UGT1A10: variants seen among roughly 807,000 people sequenced by gnomAD.
UGT1A10 encodes UDP-glucuronosyltransferase 1A10.
In UGT1A10, 49 loss-of-function variants were observed where a neutral mutation model predicts 45.8. The ratio of observed to expected loss-of-function variants is 1.07; its 90% CI spans 0.85 to 1.36. UGT1A10 has a LOEUF of 1.36. Among genes scored for constraint, UGT1A10 ranks in the 40% most tolerant of loss-of-function variants. UGT1A10 has a pLI of 0.00. For missense variants in UGT1A10, 745 were observed against 668.6 expected (o/e 1.11, Z -1.26); for synonymous variants, 284 against 249.7 (o/e 1.14, Z -1.29).
chr2:233,768,064 A>G, intron 3 of UGT1A10, 128 bp downstream of exon 3: 1 of 1,598,982 alleles, frequency 6.3e-7, no homozygotes, highest in Non-Finnish European at 8.5e-7. Flanking sequence ...ATTGCTTTTT[A>G]TCTAGTGGGG....
chr2:233,681,099 C>A (rs940932647), intron 1 of UGT1A10, among the ~76,000 whole-genome samples: 1 of 151,718 alleles, frequency 6.6e-6, no homozygotes, highest in Admixed American at 6.6e-5. Flanking sequence ...CTCTGCAATG[C>A]GCAAGTGAGC....
intron 1 of UGT1A10, among the ~76,000 whole-genome samples, chr2:233,666,465 G>T (rs967108995): frequency 6.6e-6 from 1 of 152,012 alleles, no homozygotes; most frequent in Admixed American, 6.6e-5. Flanking sequence ...GTCTTTACAT[G>T]TGCCTGTTTG....
intron 1 of UGT1A10, among the ~76,000 whole-genome samples, chr2:233,667,638 A>G (rs1034080888): frequency 1.3e-5 from 2 of 152,242 alleles, no homozygotes; most frequent in Non-Finnish European, 2.9e-5. Flanking sequence ...CTCATCTGAC[A>G]AAGGGCTAAT....
At chr2:233,742,599 A>G (rs1331499090) in intron 1 of UGT1A10, among the ~76,000 whole-genome samples, 1 of 151,848 alleles carries the variant, frequency 6.6e-6, no homozygotes, top group Non-Finnish European at 1.5e-5. Context: ...GCAACCTACC[A>G]TAGTTGGAGA....
chr2:233,656,848 G>A (rs112983713), intron 1 of UGT1A10, among the ~76,000 whole-genome samples: 16 of 152,164 alleles, frequency 1.1e-4, no homozygotes, highest in African/African-American at 2.4e-4. Flanking sequence ...CAGTTTACAC[G>A]TTCCTGGGCA....
At chr2:233,652,823 A>T (rs1369001856) in intron 1 of UGT1A10, among the ~76,000 whole-genome samples, 1 of 152,242 alleles carries the variant, frequency 6.6e-6, no homozygotes, top group Admixed American at 6.5e-5. Context: ...AAATGGATCA[A>T]ATAGCTAAAT....
chr2:233,718,172 C>T lies in UGT1A10; in HGVS notation c.856-48862C>T, dbSNP rs559286089. 3.8e-5 allele frequency: 9 copies of T among 238,986 alleles called. No individual in the cohort carries two copies. In the East Asian group the frequency reaches 7.1e-4, roughly 19 times the overall value. 14.8% of individuals were successfully genotyped at this position (238,986 alleles called of 1,614,324 possible). Reference sequence around the variant, plus strand: ...AGCCTTCCCAAGAATATGATCATCACATCTTGAGCTCAGCCTCCCCGGAGC... The same window carrying T: ...AGCCTTCCCAAGAATATGATCATCATATCTTGAGCTCAGCCTCCCCGGAGC... On this transcript the variant is annotated intron_variant, in intron 1 of 4. Transcript: ENST00000344644.
intron 1 of UGT1A10, chr2:233,729,814 C>A (rs776482922): frequency 5.0e-6 from 8 of 1,613,896 alleles, no homozygotes; most frequent in Non-Finnish European, 6.8e-6. Flanking sequence ...TTTTTCTGCT[C>A]CTTATGCAAG....
In UGT1A10 at chr2:233,719,091, C is replaced by T. The variant is rs183802414; in HGVS notation, c.856-47943C>T. On this transcript the variant is annotated intron_variant, in intron 1 of 4. Coordinates refer to ENST00000344644, the MANE Select transcript of UGT1A10 (RefSeq NM_019075.4). ...TCCATGGACCCAGAAGGAATTTGATCGCGTTACGCTGGGCTACACTCAAGG... is the reference window on the plus strand; with the variant it reads ...TCCATGGACCCAGAAGGAATTTGATTGCGTTACGCTGGGCTACACTCAAGG... The T allele has an allele frequency of 3.7e-5, 60 of 1,614,254 alleles. No individual in the cohort carries two copies. The East Asian group carries it at 8.2e-4, about 22-fold the overall frequency.
intron 1 of UGT1A10, chr2:233,755,911 G>A (rs1696063109): frequency 6.6e-6 from 1 of 151,336 alleles, no homozygotes; most frequent in African/African-American, 2.4e-5. Context: ...AATGTAGTGA[G>A]AAGAGTGGCA....
At chr2:233,699,543 T>C (rs1049729465) in intron 1 of UGT1A10, among the ~76,000 whole-genome samples, 4 of 152,214 alleles carry the variant, frequency 2.6e-5, no homozygotes, top group Non-Finnish European at 4.4e-5. Context: ...ATTCACATCA[T>C]AGAGCCAGGT....
intron 1 of UGT1A10, among the ~76,000 whole-genome samples, chr2:233,695,913 C>T (rs1176946557): frequency 6.6e-6 from 1 of 152,022 alleles, no homozygotes; most frequent in African/African-American, 2.4e-5. Context: ...TTTTTTTTCT[C>T]CACACACCAA....
chr2:233,760,187 A>G, intron 1 of UGT1A10: 1 of 1,561,346 alleles, frequency 6.4e-7, no homozygotes, highest in East Asian at 2.3e-5. Flanking sequence ...TTTTATAGTC[A>G]CGTGACACAG....
rs988153178 is a variant in UGT1A10, at chr2:233,772,888, GTGGTCCCACGGC to G, written c.*332_*343del. ...CTGTTTGGGAGTGCGGGATTCAAAG[GTGGTCCCACGGC>G]TGCCCCTACTGCAAATGGCAGTTTT... On this transcript the variant is annotated 3_prime_UTR_variant, in exon 5 of 5. Coordinates refer to ENST00000344644, the MANE Select transcript of UGT1A10 (RefSeq NM_019075.4). The G allele has an allele frequency of 1.9e-6, 1 of 534,950 alleles. No individual in the cohort carries two copies. The highest frequency in any genetic ancestry group is 1.9e-5 in the African/African-American group (1 of 51,616). 33.1% of individuals were successfully genotyped at this position (534,950 alleles called of 1,614,324 possible).
Position 233,769,399 on chromosome 2 carries a change from ATGTGCGTGTGCGTT to A in UGT1A10, c.1295+966_1295+979del. On this transcript the variant is annotated intron_variant, in intron 4 of 4. Coordinates refer to ENST00000344644, the MANE Select transcript of UGT1A10 (RefSeq NM_019075.4). This position sits in a 1 kb window ranked among gnomAD's most constrained non-coding sequence, Gnocchi z 4.4. ...ATCCGACAATAGATACTGTGTGCATATGTGCGTGTGCGTTTGTGCATGTGGCTGTGCTCATGTGT... is the reference window on the plus strand; with the variant it reads ...ATCCGACAATAGATACTGTGTGCATATGTGCATGTGGCTGTGCTCATGTGT... 1 of 1,170,288 alleles carries A rather than the reference ATGTGCGTGTGCGTT, an allele frequency of 8.5e-7. No homozygotes were observed. Among genetic ancestry groups the A allele is most frequent in the Non-Finnish European group, 1.2e-6 (1 of 810,196 alleles). 72.5% of individuals were successfully genotyped at this position (1,170,288 alleles called of 1,614,324 possible).
chr2:233,754,446 C>A, intron 1 of UGT1A10: 1 of 350,362 alleles, frequency 2.9e-6, no homozygotes, highest in Non-Finnish European at 5.6e-6. Context: ...TTTATAAATT[C>A]TTGGGTACAG....
intron 1 of UGT1A10, among the ~76,000 whole-genome samples, chr2:233,712,590 A>C (rs1407405670): frequency 6.6e-6 from 1 of 152,212 alleles, no homozygotes; most frequent in Non-Finnish European, 1.5e-5. Context: ...AGCAGAGACC[A>C]TATGGTTGGG....
At chr2:233,702,292 G>A (rs1184816211) in intron 1 of UGT1A10, among the ~76,000 whole-genome samples, 1 of 152,066 alleles carries the variant, frequency 6.6e-6, no homozygotes, top group Admixed American at 6.5e-5. Flanking sequence ...AGCATAAAGA[G>A]TTTTGTATAT....
intron 1 of UGT1A10, chr2:233,739,155 A>C (rs182453819): frequency 1.1e-4 from 17 of 152,364 alleles, no homozygotes; most frequent in Admixed American, 3.9e-4. Flanking sequence ...CCTCCACATA[A>C]ATTTTAGAGG....
Sources: allele counts gnomAD v4.1 joint callset (sites outside exome capture counted in the v4.1 genomes callset), GRCh38; gene constraint gnomAD v4.1.1; non-coding constraint Gnocchi (gnomAD v3.1); transcripts MANE v1.5; gene names NCBI Gene and HGNC (gene_info 2026-07-23, HGNC 2026-07-21).